Variants in NSD1 observed in about 807,000 individuals in gnomAD.
The protein encoded by NSD1 is histone-lysine N-methyltransferase, H3 lysine-36 specific.
In NSD1, 26 loss-of-function variants were observed where a neutral mutation model predicts 242.7. That is an observed-to-expected ratio of 0.11 (90% CI 0.08 to 0.15). The LOEUF (loss-of-function observed/expected upper bound fraction) is 0.15, where lower values mean the gene tolerates loss of function less well. NSD1 is among the 10% of genes least tolerant of loss of function. NSD1 has a pLI of 1.00. For synonymous variants in NSD1, 1,106 were observed against 1,178.1 expected, an observed-to-expected ratio of 0.94 and a Z score of 1.25; for missense variants, 2,495 against 3,272.8, an observed-to-expected ratio of 0.76 and a Z score of 5.80.
intron 2 of NSD1, among the ~76,000 whole-genome samples, chr5:177,185,795 A>ATATATT (rs1554184207): frequency 0.53 from 46,618 of 88,220 alleles, 12,825 homozygotes; most frequent in Non-Finnish European, 0.58. Context: ...TATATTATAT[A>ATATATT]TATATATATA....
chr5:177,240,149 CA>C (rs534655936), intron 8 of NSD1, among the ~76,000 whole-genome samples: 26 of 152,232 alleles, frequency 1.7e-4, no homozygotes, highest in Middle Eastern at 3.4e-3. Flanking sequence ...TTTCTGGGTT[CA>C]AATCCTCTTA....
chr5:177,298,748 C>G lies in NSD1; in HGVS notation c.*3289C>G. On this transcript the variant is annotated 3_prime_UTR_variant, in exon 23 of 23. Transcript: ENST00000439151. ...GGAGCCGGACTCCCAGGTTGTAATTCTAATGTTGCCTCATGAGAACAGAAT... is the reference window on the plus strand; with the variant it reads ...GGAGCCGGACTCCCAGGTTGTAATTGTAATGTTGCCTCATGAGAACAGAAT... The G allele has an allele frequency of 4.3e-6, 1 of 233,328 alleles. No individual in the cohort carries two copies. The highest frequency in any genetic ancestry group is 1.8e-4 in the South Asian group (1 of 5,524). The allele number at this position is 233,328 out of a possible 1,614,324, so 14.5% of individuals were successfully genotyped here.
At chr5:177,189,461 C>T (rs1761497917) in intron 2 of NSD1, among the ~76,000 whole-genome samples, 1 of 152,160 alleles carries the variant, frequency 6.6e-6, no homozygotes, top group Non-Finnish European at 1.5e-5. Flanking sequence ...ACAGAACCAA[C>T]AACATGTGCT....
rs1021503752 is a variant in NSD1, at chr5:177,136,194, TTTATCTC to T, written c.927+166_927+172del. On this transcript the variant is annotated intron_variant, in intron 2 of 22. Coordinates refer to ENST00000439151, the MANE Select transcript of NSD1 (RefSeq NM_022455.5). ...GCAAAATTTTACTTTGATTTTTAAA[TTTATCTC>T]TGTTGTATGAATTTGGTTGTTTTAA... 24 of 630,056 alleles carry T rather than the reference TTTATCTC, an allele frequency of 3.8e-5. No individual in the cohort carries two copies. In the Admixed American group the frequency reaches 5.0e-4, roughly 13 times the overall value. 39.0% of individuals were successfully genotyped at this position (630,056 alleles called of 1,614,324 possible).
chr5:177,185,730 T>TATATATTTTATATATAATATATA (rs1761066405), intron 2 of NSD1, among the ~76,000 whole-genome samples: 1 of 106,270 alleles, frequency 9.4e-6, no homozygotes, highest in African/African-American at 3.8e-5. Context: ...TTATATATTA[T>TATATATTTTATATATAATATATA]ATATATTTTA....
intron 17 of NSD1, among the ~76,000 whole-genome samples, chr5:177,275,241 C>T (rs924770130): frequency 1.3e-5 from 2 of 151,832 alleles, no homozygotes; most frequent in African/African-American, 4.8e-5. Flanking sequence ...GAAATCAGAC[C>T]TTCAAGATCG....
Position 177,294,789 on chromosome 5 carries a change from A to C in NSD1, c.7421A>C (p.Gln2474Pro), listed in dbSNP as rs202220730. The C allele has an allele frequency of 4.9e-5, 79 of 1,613,500 alleles. No individual in the cohort carries two copies. In the East Asian group the frequency reaches 1.4e-3, roughly 30 times the overall value. Reference protein sequence around the residue: ...RQKERAASPHQVTPQADEKMP... With the variant: ...RQKERAASPHPVTPQADEKMP... ...AAGGAGCGGGCAGCTTCACCTCATC[A>C]GGTCACACCACAGGCTGATGAGAAG... Residue 2474 changes from glutamine to proline, a missense_variant, in exon 23 of 23, where the codon CAG becomes CCG. By Grantham distance (76) the Gln-to-Pro change is moderately conservative. Transcript: ENST00000439151.
At chr5:177,288,521 T>A (rs1759519759) in intron 20 of NSD1, 1 of 345,632 alleles carries the variant, frequency 2.9e-6, no homozygotes, top group Admixed American at 4.3e-5. Context: ...TGGTAATGAA[T>A]TAACATATTT....
At chr5:177,190,826 T>C (rs528325587) in intron 2 of NSD1, among the ~76,000 whole-genome samples, 3,294 of 146,276 alleles carry the variant, frequency 0.023, 212 homozygotes, top group African/African-American at 0.086. Flanking sequence ...CCCGCCACCA[T>C]GCCCAGCTAA....
chr5:177,210,020 G>A lies in NSD1; in HGVS notation c.1621G>A (p.Asp541Asn). Residue 541 changes from aspartate (D) to asparagine (N), a missense_variant, in exon 5 of 23, where the codon GAT becomes AAT. Transcript: ENST00000439151. ...ENLGLNFISG[D>N]ISDTQASNEL... is the part of the protein sequence containing the mutation. ...CCTTGGCCTAAACTTTATCTCTGGG[G>A]ATATATCTGATACGCAGGCCTCTAA... The A allele has an allele frequency of 1.2e-6, 2 of 1,614,132 alleles. No homozygotes were observed. The highest frequency in any genetic ancestry group is 1.7e-6 in the Non-Finnish European group (2 of 1,180,028).
intron 5 of NSD1, among the ~76,000 whole-genome samples, chr5:177,224,058 TTGTA>T (rs1764446648): frequency 6.6e-6 from 1 of 152,232 alleles, no homozygotes; most frequent in South Asian, 2.1e-4. Context: ...TACAGTATTT[TTGTA>T]GTAATTAATT....
intron 20 of NSD1, among the ~76,000 whole-genome samples, chr5:177,288,114 T>A (rs1759481191): frequency 6.6e-6 from 1 of 152,192 alleles, no homozygotes; most frequent in Admixed American, 6.5e-5. Context: ...TAGTTATGAG[T>A]TTTGAGTTTG....
intron 5 of NSD1, among the ~76,000 whole-genome samples, chr5:177,216,677 T>TG (rs1370228538): frequency 5.3e-5 from 8 of 151,334 alleles, no homozygotes; most frequent in African/African-American, 1.7e-4. Flanking sequence ...TCTGTTTTTT[T>TG]TTTTTTTTTT....
intron 2 of NSD1, among the ~76,000 whole-genome samples, chr5:177,179,002 G>A (rs1329925949): frequency 1.3e-5 from 2 of 152,142 alleles, no homozygotes. Flanking sequence ...GAGTTATGAA[G>A]TATAAGTAGC....
chr5:177,151,198 C>T (rs1249721442), intron 2 of NSD1, among the ~76,000 whole-genome samples: 1 of 151,978 alleles, frequency 6.6e-6, no homozygotes, highest in East Asian at 1.9e-4. Flanking sequence ...CTAACGTGGC[C>T]AAACCCCTAT....
At chr5:177,258,158 T>G (rs1372971047) in intron 13 of NSD1, among the ~76,000 whole-genome samples, 1 of 151,542 alleles carries the variant, frequency 6.6e-6, no homozygotes, top group Non-Finnish European at 1.5e-5. Context: ...TTTTGTATTT[T>G]TAGTAGAGAC....
chr5:177,221,040 G>T (rs932477196), intron 5 of NSD1: 18 of 455,144 alleles, frequency 4.0e-5, no homozygotes, highest in African/African-American at 2.6e-4. Flanking sequence ...ATTTTGTGTG[G>T]TTTTTCATTT....
chr5:177,159,555 A>T lies in NSD1; in HGVS notation c.927+23525A>T, dbSNP rs554562099. 2.0e-5 allele frequency among the ~76,000 whole-genome samples: 3 copies of T among 149,766 alleles called. No homozygotes were observed. In the Admixed American group the frequency reaches 2.0e-4, roughly 10 times the overall value. On this transcript the variant is annotated intron_variant, in intron 2 of 22. Coordinates refer to ENST00000439151, the MANE Select transcript of NSD1 (RefSeq NM_022455.5). ...CACCTAAGCCTTCCAAAGTGCTGAG[A>T]TTACATGCATGAGCCACCAAGTCTG...
In NSD1 at chr5:177,294,147, A is replaced by G; in HGVS notation, c.6779A>G (p.Gln2260Arg). ...MSDKPPADTN[Q>R]MLSLSKKALA... ...GATAAACCTCCTGCTGACACCAACC[A>G]GATGCTGTCGCTCTCCAAAAAAGCT... The change falls in exon 23 of 23, where the codon CAG (glutamine) becomes CGG (arginine). Residue 2260 changes from glutamine (Q) to arginine (R), a missense_variant. Physicochemically the swap from Gln to Arg is conservative, Grantham distance 43 (BLOSUM62 1). This residue lies in a region of NSD1 where 475 missense variants were observed against 563.7 expected (regional missense o/e 0.84). Transcript: ENST00000439151. The G allele has an allele frequency of 6.2e-7, 1 of 1,614,188 alleles. No individual in the cohort carries two copies. The highest frequency in any genetic ancestry group is 8.5e-7 in the Non-Finnish European group (1 of 1,180,034).
Sources: allele counts gnomAD v4.1 joint callset (sites outside exome capture counted in the v4.1 genomes callset), GRCh38; gene constraint gnomAD v4.1.1; regional missense constraint gnomAD v4.1.1; transcripts MANE v1.5; gene names NCBI Gene and HGNC (gene_info 2026-07-23, HGNC 2026-07-21).